The following EPB41L2 variants were observed in gnomAD, a reference collection of about 807,000 sequenced individuals.
EPB41L2 encodes the protein erythrocyte membrane protein band 4.1 like 2, also known as band 4.1-like protein 2.
EPB41L2 carries 43 observed loss-of-function variants against 113.0 expected under a neutral mutation model. The observed-to-expected ratio is 0.38, with a 90% CI of 0.30 to 0.49. The LOEUF (loss-of-function observed/expected upper bound fraction) is 0.49, where lower values mean the gene tolerates loss of function less well. Among genes scored for constraint, EPB41L2 ranks in the 20% least tolerant of loss-of-function variants. The pLI, the probability that EPB41L2 is intolerant of heterozygous loss-of-function variation, is 0.95. For missense variants in EPB41L2, 1,147 were observed against 1,223.4 expected, an observed-to-expected ratio of 0.94 and a Z score of 0.93; for synonymous variants, 442 against 436.7, an observed-to-expected ratio of 1.01 and a Z score of -0.15.
chr6:131,027,196 A>G (rs1409841826), intron 1 of EPB41L2, among the ~76,000 whole-genome samples: 1 of 152,196 alleles, frequency 6.6e-6, no homozygotes, highest in Non-Finnish European at 1.5e-5. Flanking sequence ...TTCTATCTGT[A>G]TCAGGGCTGG....
intron 6 of EPB41L2, among the ~76,000 whole-genome samples, chr6:130,901,845 A>T (rs969648206): frequency 6.6e-6 from 1 of 152,262 alleles, no homozygotes; most frequent in Non-Finnish European, 1.5e-5. Context: ...GATGAGCATG[A>T]ACATTAGATA....
intron 18 of EPB41L2, among the ~76,000 whole-genome samples, chr6:130,861,874 C>CAAAA (rs558987011): frequency 9.1e-5 from 11 of 120,682 alleles, no homozygotes; most frequent in South Asian, 2.7e-4. Flanking sequence ...TCCATCTCCC[C>CAAAA]AAAAAAAAAA....
At chr6:131,007,685 G>A (rs1435834952) in intron 1 of EPB41L2, among the ~76,000 whole-genome samples, 2 of 152,200 alleles carry the variant, frequency 1.3e-5, no homozygotes, top group Admixed American at 1.3e-4. Context: ...TGGAGATGAG[G>A]AATGTGTTGG....
chr6:131,012,160 G>C (rs938271278), intron 1 of EPB41L2, among the ~76,000 whole-genome samples: 1 of 151,898 alleles, frequency 6.6e-6, no homozygotes, highest in Non-Finnish European at 1.5e-5. Flanking sequence ...AGCCGAGACT[G>C]AGTCACTGCA....
intron 3 of EPB41L2, among the ~76,000 whole-genome samples, chr6:130,929,605 A>C (rs1247511011): frequency 6.6e-6 from 1 of 152,158 alleles, no homozygotes; most frequent in Non-Finnish European, 1.5e-5. Context: ...CACGACAAAC[A>C]TGGTCTCAGG....
chr6:130,907,149 C>A (rs1325013838), intron 5 of EPB41L2, among the ~76,000 whole-genome samples: 2 of 152,070 alleles, frequency 1.3e-5, no homozygotes, highest in African/African-American at 4.8e-5. Flanking sequence ...AATGGAACAT[C>A]AATCATGTTT....
chr6:130,930,077 A>C (rs1806289057), intron 3 of EPB41L2, among the ~76,000 whole-genome samples: 1 of 152,082 alleles, frequency 6.6e-6, no homozygotes, highest in Non-Finnish European at 1.5e-5. Context: ...GTGAGACAAG[A>C]AAAATTCTCC....
intron 12 of EPB41L2, chr6:130,881,806 ATTTG>A: frequency 6.6e-6 from 1 of 152,110 alleles, no homozygotes; most frequent in Non-Finnish European, 1.5e-5. Flanking sequence ...TTTCACATAC[ATTTG>A]TTAAAGACAA....
intron 1 of EPB41L2, among the ~76,000 whole-genome samples, chr6:131,048,408 T>C (rs1411371466): frequency 6.6e-6 from 1 of 152,184 alleles, no homozygotes; most frequent in Non-Finnish European, 1.5e-5. Flanking sequence ...GAAACTGCTT[T>C]TACTGACTAA....
chr6:130,944,162 T>TACATACACAC (rs1811906720), intron 3 of EPB41L2, among the ~76,000 whole-genome samples: 1 of 132,902 alleles, frequency 7.5e-6, no homozygotes, highest in Non-Finnish European at 1.6e-5. Context: ...TATACGTACA[T>TACATACACAC]ACACACACAT....
At chr6:130,856,804 C>T (rs899075541) in intron 19 of EPB41L2, among the ~76,000 whole-genome samples, 4 of 152,094 alleles carry the variant, frequency 2.6e-5, no homozygotes, top group African/African-American at 9.7e-5. Context: ...AAACATTTAC[C>T]CACTTCATCA....
chr6:131,061,305 A>T (rs1259859418), intron 1 of EPB41L2, among the ~76,000 whole-genome samples: 1 of 152,220 alleles, frequency 6.6e-6, no homozygotes, highest in Admixed American at 6.5e-5. Context: ...GGATTAAATT[A>T]GCGCTAAATC....
At chr6:130,995,007 A>G (rs1378644543) in intron 1 of EPB41L2, among the ~76,000 whole-genome samples, 1 of 151,784 alleles carries the variant, frequency 6.6e-6, no homozygotes, top group Non-Finnish European at 1.5e-5. Context: ...TTCATCCTAC[A>G]TATGTTGACT....
At chr6:130,857,924 A>G (rs1279096966) in intron 19 of EPB41L2, among the ~76,000 whole-genome samples, 1 of 152,086 alleles carries the variant, frequency 6.6e-6, no homozygotes, top group African/African-American at 2.4e-5. Flanking sequence ...GCCCCTCAAT[A>G]AATCAGAGTT....
intron 11 of EPB41L2, among the ~76,000 whole-genome samples, chr6:130,889,327 C>T (rs1406193624): frequency 6.6e-6 from 1 of 151,770 alleles, no homozygotes; most frequent in African/African-American, 2.4e-5. Flanking sequence ...TATAGAAAAC[C>T]TATTATTAAC....
intron 18 of EPB41L2, among the ~76,000 whole-genome samples, chr6:130,861,103 T>C (rs1201750484): frequency 6.6e-6 from 1 of 151,400 alleles, no homozygotes; most frequent in Non-Finnish European, 1.5e-5. Context: ...GATGGAATCT[T>C]GCTCTGTCGC....
At chr6:131,030,485 A>G (rs1027063639) in intron 1 of EPB41L2, among the ~76,000 whole-genome samples, 27 of 152,370 alleles carry the variant, frequency 1.8e-4, no homozygotes, top group African/African-American at 6.5e-4. Flanking sequence ...TTGGATGGTA[A>G]TAAGATCAAA....
intron 1 of EPB41L2, among the ~76,000 whole-genome samples, chr6:131,021,513 T>A (rs1314025299): frequency 1.3e-5 from 2 of 151,898 alleles, no homozygotes; most frequent in Non-Finnish European, 2.9e-5. Flanking sequence ...AACAAAAAAT[T>A]AGGCAGGCGT....
intron 1 of EPB41L2, among the ~76,000 whole-genome samples, chr6:131,039,517 T>C (rs1016850179): frequency 1.3e-5 from 2 of 152,216 alleles, no homozygotes; most frequent in Admixed American, 6.5e-5. Context: ...CTTTACCCTG[T>C]TTTTCCATTT....
Sources: gnomAD v4.1 joint callset for allele counts (sites outside exome capture counted in the v4.1 genomes callset) on GRCh38, gnomAD v4.1.1 for gene constraint, MANE v1.5 for transcripts, NCBI Gene and HGNC (gene_info 2026-07-23, HGNC 2026-07-21) for gene names.